MYO9A: variants seen among roughly 807,000 people sequenced by gnomAD.
The protein encoded by MYO9A is myosin IXA, also known as unconventional myosin-IXa.
A neutral mutation model predicts 293.3 loss-of-function variants in MYO9A; 103 were observed. The ratio of observed to expected loss-of-function variants is 0.35; its 90% confidence interval spans 0.30 to 0.41. The LOEUF is 0.41. MYO9A is among the 10% of genes least tolerant of loss of function. The probability of loss-of-function intolerance (pLI) is 1.00; values close to 1 mark genes in which losing one functional copy is unlikely to be tolerated. For missense variants in MYO9A, 2,685 were observed against 3,033.0 expected (o/e 0.89, Z 2.69); for synonymous variants, 1,001 against 1,035.7 (o/e 0.97, Z 0.64).
Position 71,909,174 on chromosome 15 carries a change from T to A in MYO9A, c.2686-4168A>T, listed in dbSNP as rs1234471260. Reference sequence around the variant, plus strand: ...CACCTACTGAAGGACATCTTGACTGTTTCCAAGTTTTAGCAATTATGAATA... The same window carrying A: ...CACCTACTGAAGGACATCTTGACTGATTCCAAGTTTTAGCAATTATGAATA... On this transcript the variant is annotated intron_variant, in intron 19 of 41. Coordinates refer to ENST00000356056, the MANE Select transcript of MYO9A (RefSeq NM_006901.4). Among the ~76,000 whole-genome samples, 4 of 152,354 alleles carry A rather than the reference T, an allele frequency of 2.6e-5. No homozygotes were observed. In the East Asian group the frequency reaches 5.8e-4, roughly 22 times the overall value.
At chr15:72,079,393 A>C (rs1256250635) in intron 1 of MYO9A, among the ~76,000 whole-genome samples, 1 of 152,182 alleles carries the variant, frequency 6.6e-6, no homozygotes, top group Admixed American at 6.5e-5. Flanking sequence ...ATACTATAAA[A>C]TTTTGGCATT....
chr15:71,913,864 T>C (rs2057931459), intron 19 of MYO9A, among the ~76,000 whole-genome samples: 1 of 113,048 alleles, frequency 8.8e-6, no homozygotes, highest in African/African-American at 3.0e-5. Flanking sequence ...CTGAGGATTC[T>C]ACCTAATGCC....
At chr15:72,020,276 CTGT>C (rs1434715967) in intron 5 of MYO9A, among the ~76,000 whole-genome samples, 4 of 152,164 alleles carry the variant, frequency 2.6e-5, no homozygotes, top group East Asian at 3.9e-4. Context: ...TGTAAAATTT[CTGT>C]TATTATGAGA....
rs573990952 is a variant in MYO9A at position 71,964,712 on chromosome 15, G to A, written c.1986+3272C>T. On this transcript the variant is annotated intron_variant, in intron 13 of 41. Coordinates refer to ENST00000356056, the MANE Select transcript of MYO9A (RefSeq NM_006901.4). ...TGAGGCAGGAGAATCACTTGAACCC[G>A]GGAGGCAGAGGTTGCAGTGAGCCGA... Among the ~76,000 whole-genome samples the A allele has an allele frequency of 2.7e-3, 408 of 151,616 alleles. 1 individual carries two copies. The highest frequency in any genetic ancestry group is 9.1e-3 in the African/African-American group (375 of 41,364).
chr15:71,992,042 A>G (rs1440675059), intron 10 of MYO9A, among the ~76,000 whole-genome samples: 1 of 152,196 alleles, frequency 6.6e-6, no homozygotes, highest in African/African-American at 2.4e-5. Context: ...GGCGTGAGCC[A>G]CCGTGCCCGG....
intron 9 of MYO9A, chr15:71,999,189 A>G (rs920883389): frequency 6.6e-6 from 1 of 152,144 alleles, no homozygotes; most frequent in Non-Finnish European, 1.5e-5. Context: ...TCCAATTTTT[A>G]TAATTATAAT....
chr15:71,873,723 C>T (rs534651413), intron 32 of MYO9A, among the ~76,000 whole-genome samples: 64 of 152,222 alleles, frequency 4.2e-4, no homozygotes, highest in African/African-American at 1.5e-3. Context: ...CTATGAATTG[C>T]ACTTATTACA....
chr15:71,899,754 A>G lies in MYO9A; in HGVS notation c.3403T>C (p.Tyr1135His), dbSNP rs2057429692. 1 of 1,614,056 alleles carries G rather than the reference A, an allele frequency of 6.2e-7. No homozygotes were observed. The highest frequency in any genetic ancestry group is 1.3e-5 in the African/African-American group (1 of 74,934). Residue 1135 changes from tyrosine (Y) to histidine (H), a missense_variant, in exon 24 of 42, where the codon TAC (tyrosine) becomes CAC (histidine). By Grantham distance (83) the Tyr-to-His change is moderately conservative. Transcript: ENST00000356056. ...ATAATTTTTTTCCTTTGTTCTTGGTACCTTTTACTTTCCCTGTAGGCTTTC... is the reference window on the plus strand; with the variant it reads ...ATAATTTTTTTCCTTTGTTCTTGGTGCCTTTTACTTTCCCTGTAGGCTTTC... ...RWKAYRESKRYQEQRKKIILL... is the reference protein window; with the variant it reads ...RWKAYRESKRHQEQRKKIILL...
At chr15:71,843,680 G>A (rs2055263495) in intron 39 of MYO9A, among the ~76,000 whole-genome samples, 2 of 152,074 alleles carry the variant, frequency 1.3e-5, no homozygotes, top group Non-Finnish European at 2.9e-5. Flanking sequence ...TGGTAGAGAT[G>A]GGGTTTCACC....
chr15:71,843,504 T>A lies in MYO9A; in HGVS notation c.6837+5341A>T, dbSNP rs2055255659. Reference sequence around the variant, plus strand: ...TCAGCTACTCTTTTGTTTGTTTTTGTTTAAGACAGGGTCTCACTCTGTCAC... The same window carrying A: ...TCAGCTACTCTTTTGTTTGTTTTTGATTAAGACAGGGTCTCACTCTGTCAC... On this transcript the variant is annotated intron_variant, in intron 39 of 41. Transcript: ENST00000356056. 3.9e-5 allele frequency among the ~76,000 whole-genome samples: 6 copies of A among 152,174 alleles called. No homozygotes were observed. The South Asian group carries it at 1.0e-3, about 26-fold the overall frequency.
intron 1 of MYO9A, among the ~76,000 whole-genome samples, chr15:72,061,474 C>A (rs73436326): frequency 0.023 from 3,442 of 151,538 alleles, 126 homozygotes; most frequent in African/African-American, 0.081. Context: ...TGAAGAGAGA[C>A]CCAAGCCTGG....
At chr15:71,883,541 G>T in intron 28 of MYO9A, 53 bp downstream of exon 28, 1 of 1,563,608 alleles carries the variant, frequency 6.4e-7, no homozygotes, top group Non-Finnish European at 8.7e-7. Flanking sequence ...CAAACTTTCA[G>T]AAAGAGTGAA....
At chr15:71,920,788 A>G (rs1027400278) in intron 18 of MYO9A, among the ~76,000 whole-genome samples, 3 of 147,436 alleles carry the variant, frequency 2.0e-5, no homozygotes, top group Non-Finnish European at 4.5e-5. Flanking sequence ...TCTCTAGTGG[A>G]AAAAAAAAAA....
chr15:71,917,235 A>G (rs1437255846), intron 18 of MYO9A, among the ~76,000 whole-genome samples: 1 of 152,148 alleles, frequency 6.6e-6, no homozygotes, highest in Non-Finnish European at 1.5e-5. Flanking sequence ...TGTGCCAGGG[A>G]CATACACAAA....
chr15:72,022,103 C>G (rs1419574222), intron 4 of MYO9A, among the ~76,000 whole-genome samples: 1 of 152,170 alleles, frequency 6.6e-6, no homozygotes, highest in Non-Finnish European at 1.5e-5. Context: ...AAAAGAATAT[C>G]AACTTTATAA....
chr15:72,112,783 T>C (rs1233320390), intron 1 of MYO9A, among the ~76,000 whole-genome samples: 1 of 152,226 alleles, frequency 6.6e-6, no homozygotes, highest in Non-Finnish European at 1.5e-5. Context: ...GCTGGATTAG[T>C]GACTAGAAGA....
chr15:71,898,553 G>A lies in MYO9A; in HGVS notation c.3950C>T (p.Ser1317Phe). The A allele has an allele frequency of 1.9e-6, 3 of 1,614,018 alleles. No individual in the cohort carries two copies. The highest frequency in any genetic ancestry group is 2.5e-6 in the Non-Finnish European group (3 of 1,180,004). The change falls in exon 25 of 42, where the codon TCT (serine) becomes TTT (phenylalanine). Residue 1317 changes from serine to phenylalanine, a missense_variant. Physicochemically the swap from Ser to Phe is radical, Grantham distance 155. Coordinates refer to ENST00000356056, the MANE Select transcript of MYO9A (RefSeq NM_006901.4). ...CTCACTATCAGGTGTACCCCGTGGA[G>A]ACTGAAGGCCTTCAGGCACCAATTC... is the stretch of plus-strand genomic sequence containing the variant. Reference protein sequence around the residue: ...STELVPEGLQSPRGTPDSESS... With the variant: ...STELVPEGLQFPRGTPDSESS...
intron 2 of MYO9A, among the ~76,000 whole-genome samples, chr15:72,042,341 A>AT (rs1473963216): frequency 6.6e-6 from 1 of 152,058 alleles, no homozygotes; most frequent in African/African-American, 2.4e-5. Context: ...CTCAAAAAAA[A>AT]TTTTTTTAAT....
At position 71,975,249 on chromosome 15, in the gene MYO9A, G is replaced by A. The variant is rs758918001; in HGVS notation, c.1844+2922C>T. On this transcript the variant is annotated intron_variant, in intron 12 of 41. Transcript: ENST00000356056. The stretch of plus-strand genomic sequence containing the variant: ...TGTTTGAGTTGTATATTCTTTTGAT[G>A]ATGTAAAGGATCCATGTTTGAAAGC... Among the ~76,000 whole-genome samples, 78 of 152,206 alleles carry A rather than the reference G, an allele frequency of 5.1e-4. 1 individual carries two copies. The highest frequency in any genetic ancestry group is 7.9e-4 in the Admixed American group (12 of 15,272).
Sources: allele counts gnomAD v4.1 joint callset (sites outside exome capture counted in the v4.1 genomes callset), GRCh38; gene constraint gnomAD v4.1.1; transcripts MANE v1.5; gene names NCBI Gene and HGNC (gene_info 2026-07-23, HGNC 2026-07-21).